The following ST8SIA6 variants were observed in gnomAD, a reference collection of about 807,000 sequenced individuals.
The protein encoded by ST8SIA6 is alpha-2,8-sialyltransferase 8F.
A neutral mutation model predicts 33.6 loss-of-function variants in ST8SIA6; 39 were observed. The ratio of observed to expected loss-of-function variants is 1.16; its 90% CI spans 0.90 to 1.52. ST8SIA6 has a LOEUF of 1.52. Among genes scored for constraint, ST8SIA6 ranks in the 40% most tolerant of loss-of-function variants. ST8SIA6 has a pLI of 0.00. For synonymous variants in ST8SIA6, 172 were observed against 167.2 expected (o/e 1.03, Z -0.22); for missense variants, 441 against 443.8 (o/e 0.99, Z 0.06).
In ST8SIA6 at chr10:17,318,414, C is replaced by G. The variant is rs1389540832; in HGVS notation, c.*2464G>C. ...TGTTTTTTGTAGAGAAGGGTACTCA[C>G]TATGTTGCCCAGGCTAGTCTCAAAC... On this transcript the variant is annotated 3_prime_UTR_variant, in exon 8 of 8. Coordinates refer to ENST00000377602, the MANE Select transcript of ST8SIA6 (RefSeq NM_001004470.3). The G allele has an allele frequency of 6.4e-6, 2 of 311,194 alleles. No individual in the cohort carries two copies. The highest frequency in any genetic ancestry group is 1.2e-5 in the Non-Finnish European group (2 of 160,918). 19.3% of individuals were successfully genotyped at this position (311,194 alleles called of 1,614,324 possible).
chr10:17,320,748 G>A lies in ST8SIA6; in HGVS notation c.*130C>T, dbSNP rs1847914724. 3.7e-6 allele frequency: 3 copies of A among 802,896 alleles called. No homozygotes were observed. Among genetic ancestry groups the A allele is most frequent in the East Asian group, 5.3e-5 (2 of 37,898 alleles). The allele number at this position is 802,896 out of a possible 1,614,324, so 49.7% of individuals were successfully genotyped here. On this transcript the variant is annotated 3_prime_UTR_variant, in exon 8 of 8. Transcript: ENST00000377602. ...TTGCCATCATTGCAAAATGAGTGGG[G>A]AAGCTTTGGTCAAACCAAATTTTGG...
intron 3 of ST8SIA6, among the ~76,000 whole-genome samples, chr10:17,386,699 A>T (rs1460707234): frequency 6.6e-6 from 1 of 152,198 alleles, no homozygotes; most frequent in Admixed American, 6.5e-5. Context: ...TGAATGCCTG[A>T]AGGCAGACCT....
chr10:17,433,818 A>G (rs1852171820), intron 2 of ST8SIA6, among the ~76,000 whole-genome samples: 1 of 152,208 alleles, frequency 6.6e-6, no homozygotes, highest in African/African-American at 2.4e-5. Flanking sequence ...TTTAGCAAGG[A>G]GTGCCCCTTT....
chr10:17,435,824 C>T (rs752467048), intron 2 of ST8SIA6, among the ~76,000 whole-genome samples: 5 of 152,048 alleles, frequency 3.3e-5, no homozygotes, highest in African/African-American at 1.2e-4. Context: ...GATTCCCTAA[C>T]GAGACTTCTT....
rs547737023 is a variant in ST8SIA6, at chr10:17,410,307, C to T, written c.201-19687G>A. ...ATAAATAGCAAGTGATATGTCTCAT[C>T]GTACTGAGACAGTTTTATAAATGAG... On this transcript the variant is annotated intron_variant, in intron 2 of 7. Coordinates refer to ENST00000377602, the MANE Select transcript of ST8SIA6 (RefSeq NM_001004470.3). 5.3e-5 allele frequency: 8 copies of T among 152,274 alleles called. No homozygotes were observed. The South Asian group carries it at 1.7e-3, about 32-fold the overall frequency. 9.4% of individuals were successfully genotyped at this position (152,274 alleles called of 1,614,324 possible).
intron 4 of ST8SIA6, among the ~76,000 whole-genome samples, chr10:17,352,855 G>A (rs1018444319): frequency 1.3e-5 from 2 of 151,946 alleles, no homozygotes; most frequent in African/African-American, 4.8e-5. Flanking sequence ...TGATATGACA[G>A]TATATTAATG....
chr10:17,430,827 T>C (rs1852080826), intron 2 of ST8SIA6, among the ~76,000 whole-genome samples: 2 of 152,214 alleles, frequency 1.3e-5, no homozygotes, highest in Admixed American at 6.5e-5. Context: ...TCTCCCATTC[T>C]GTGGGTTGTC....
intron 2 of ST8SIA6, among the ~76,000 whole-genome samples, chr10:17,429,930 CAAGT>C (rs1299247270): frequency 6.6e-6 from 1 of 151,978 alleles, no homozygotes; most frequent in African/African-American, 2.4e-5. Context: ...TTTTGGGGTA[CAAGT>C]GTTTTTTTGT....
At chr10:17,411,294 C>T (rs1851441025) in intron 2 of ST8SIA6, among the ~76,000 whole-genome samples, 1 of 152,112 alleles carries the variant, frequency 6.6e-6, no homozygotes, top group African/African-American at 2.4e-5. Context: ...AGCAATTCTT[C>T]TGCCTCACCC....
chr10:17,436,679 A>G (rs1852272468), intron 2 of ST8SIA6, among the ~76,000 whole-genome samples: 1 of 151,828 alleles, frequency 6.6e-6, no homozygotes, highest in Admixed American at 6.6e-5. Flanking sequence ...AGCTTCATCC[A>G]TGTCCCTACA....
chr10:17,444,305 A>G lies in ST8SIA6; in HGVS notation c.200+9254T>C, dbSNP rs575748142. Among the ~76,000 whole-genome samples the G allele has an allele frequency of 1.1e-4, 17 of 152,324 alleles. No individual in the cohort carries two copies. In the South Asian group the frequency reaches 3.5e-3, roughly 32 times the overall value. ...GCTTTGACATATGTGTGTAAACGGT[A>G]TTGTCTGTCGAACGTTGCCTCGTGA... On this transcript the variant is annotated intron_variant, in intron 2 of 7. Transcript: ENST00000377602.
intron 3 of ST8SIA6, among the ~76,000 whole-genome samples, chr10:17,387,496 A>G (rs979603918): frequency 7.1e-6 from 1 of 140,144 alleles, no homozygotes; most frequent in African/African-American, 2.7e-5. Flanking sequence ...CGAACTCCCC[A>G]CCTCGGGTGA....
Position 17,324,238 on chromosome 10 carries a change from G to T in ST8SIA6, c.636-1081C>A, listed in dbSNP as rs553065329. On this transcript the variant is annotated intron_variant, in intron 6 of 7. Coordinates refer to ENST00000377602, the MANE Select transcript of ST8SIA6 (RefSeq NM_001004470.3). Reference sequence around the variant, plus strand: ...TTCCTAAGGAAGGTTGTTCAAAGTTGATGTGGTCTATAACATGACAGAAGA... The same window carrying T: ...TTCCTAAGGAAGGTTGTTCAAAGTTTATGTGGTCTATAACATGACAGAAGA... 1.9e-3 allele frequency among the ~76,000 whole-genome samples: 282 copies of T among 152,242 alleles called. 2 individuals carry two copies. The highest frequency in any genetic ancestry group is 6.5e-3 in the African/African-American group (271 of 41,560).
intron 5 of ST8SIA6, among the ~76,000 whole-genome samples, chr10:17,330,981 T>G (rs1228037638): frequency 3.3e-5 from 5 of 152,222 alleles, no homozygotes; most frequent in Non-Finnish European, 7.3e-5. Context: ...GTACGTTTAT[T>G]GACTATAAAT....
At chr10:17,365,596 C>G (rs1270876768) in intron 3 of ST8SIA6, among the ~76,000 whole-genome samples, 3 of 152,186 alleles carry the variant, frequency 2.0e-5, no homozygotes, top group African/African-American at 7.2e-5. Context: ...GTCTGTGCCA[C>G]CTGCCTGCTG....
chr10:17,378,922 C>G (rs536044828), intron 3 of ST8SIA6, among the ~76,000 whole-genome samples: 22 of 152,176 alleles, frequency 1.4e-4, no homozygotes, highest in African/African-American at 4.8e-4. Context: ...GTCAGGAGAT[C>G]AAGACCATCC....
At chr10:17,366,608 C>T (rs548458512) in intron 3 of ST8SIA6, among the ~76,000 whole-genome samples, 13 of 152,106 alleles carry the variant, frequency 8.5e-5, no homozygotes, top group South Asian at 8.3e-4. Flanking sequence ...TGGGATGTGA[C>T]GTAGCAAAAG....
chr10:17,411,064 T>A (rs1269319005), intron 2 of ST8SIA6, among the ~76,000 whole-genome samples: 1 of 152,136 alleles, frequency 6.6e-6, no homozygotes, highest in Non-Finnish European at 1.5e-5. Flanking sequence ...TCAAAAAAGA[T>A]GGAATAAAAT....
intron 2 of ST8SIA6, among the ~76,000 whole-genome samples, chr10:17,422,637 A>G (rs1298273887): frequency 1.3e-5 from 2 of 152,222 alleles, no homozygotes; most frequent in African/African-American, 4.8e-5. Context: ...GGTAATACAC[A>G]TTCTAAACAC....
Sources: gnomAD v4.1 joint callset for allele counts (sites outside exome capture counted in the v4.1 genomes callset) on GRCh38, gnomAD v4.1.1 for gene constraint, MANE v1.5 for transcripts, NCBI Gene and HGNC (gene_info 2026-07-23, HGNC 2026-07-21) for gene names.